The following C1QTNF3 variants were observed in gnomAD, a reference collection of about 807,000 sequenced individuals.
C1QTNF3 encodes the protein complement C1q tumor necrosis factor-related protein 3.
Under a neutral mutation model 32.6 loss-of-function variants are expected in C1QTNF3, and 26 were observed. The observed-to-expected ratio is 0.80, with a 90% CI of 0.58 to 1.11. C1QTNF3 has a LOEUF of 1.11. C1QTNF3 is among the 50% of genes least tolerant of loss of function. C1QTNF3 has a pLI of 0.00. For synonymous variants in C1QTNF3, 155 were observed against 146.0 expected, an observed-to-expected ratio of 1.06 and a Z score of -0.44; for missense variants, 362 against 398.2, an observed-to-expected ratio of 0.91 and a Z score of 0.77.
At chr5:34,022,895 G>A (rs528089385) in intron 5 of C1QTNF3, among the ~76,000 whole-genome samples, 18 of 152,114 alleles carry the variant, frequency 1.2e-4, no homozygotes, top group South Asian at 2.1e-4. Context: ...TCGCTCTGTC[G>A]CCCAGGCTGG....
chr5:34,048,750 C>G, the C1QTNF3 span, among the ~76,000 whole-genome samples: 16 of 151,816 alleles, frequency 1.1e-4, no homozygotes, highest in African/African-American at 2.9e-4. Context: ...TCTGTCACCC[C>G]CTATGGGTTG....
rs1474009905 is a variant in C1QTNF3 at position 34,023,925 on chromosome 5, CTG to C, written c.782_783del (p.Thr261SerfsTer8). ...ACCACCCACCTGTACATGCTGAAGACTGTGTTGCCATTGTGCATAAGGTACAC... is the reference window on the plus strand; with the variant it reads ...ACCACCCACCTGTACATGCTGAAGACTGTTGCCATTGTGCATAAGGTACAC... ...VYVYLMHNGN[T>X]VFSMYSYEMK... On this transcript the variant is annotated frameshift_variant, in exon 5 of 6. Transcript: ENST00000382065. LOFTEE classifies it high-confidence loss of function. The C allele has an allele frequency of 1.2e-6, 2 of 1,614,030 alleles. No individual in the cohort carries two copies. Among genetic ancestry groups the C allele is most frequent in the African/African-American group, 2.7e-5 (2 of 75,050 alleles).
At chr5:34,057,828 C>T in the C1QTNF3 span, among the ~76,000 whole-genome samples, 1 of 152,090 alleles carries the variant, frequency 6.6e-6, no homozygotes, top group South Asian at 2.1e-4. Flanking sequence ...CAGGAGGTGC[C>T]GCAAGTTTTT....
chr5:34,205,802 TAGAG>T, the C1QTNF3 span, among the ~76,000 whole-genome samples: 1 of 149,210 alleles, frequency 6.7e-6, no homozygotes, highest in South Asian at 2.2e-4. Context: ...TCTCTCATCT[TAGAG>T]AGCTATGAAA....
the C1QTNF3 span, among the ~76,000 whole-genome samples, chr5:34,129,053 A>G: frequency 1.3e-5 from 2 of 152,122 alleles, no homozygotes; most frequent in South Asian, 2.1e-4. Context: ...ATGGGGGCAC[A>G]CTTCCCCTTT....
chr5:34,229,111 A>G, the C1QTNF3 span, among the ~76,000 whole-genome samples: 1 of 152,176 alleles, frequency 6.6e-6, no homozygotes, highest in East Asian at 1.9e-4. Context: ...AAGAAAGCTT[A>G]TGCCTACAGC....
At chr5:34,036,979 T>A (rs1754758828) in intron 1 of C1QTNF3, among the ~76,000 whole-genome samples, 2 of 152,130 alleles carry the variant, frequency 1.3e-5, no homozygotes, top group African/African-American at 4.8e-5. Flanking sequence ...GAAATGATTA[T>A]CTCACTGTTT....
chr5:34,101,024 T>A, the C1QTNF3 span, among the ~76,000 whole-genome samples: 1 of 151,350 alleles, frequency 6.6e-6, no homozygotes, highest in Non-Finnish European at 1.5e-5. Context: ...TCATAAAATA[T>A]GCCATCTAGA....
At chr5:34,097,206 A>C in the C1QTNF3 span, among the ~76,000 whole-genome samples, 1 of 151,982 alleles carries the variant, frequency 6.6e-6, no homozygotes, top group African/African-American at 2.4e-5. Flanking sequence ...AGGCACAAAA[A>C]AAAAACCGAA....
chr5:34,074,359 G>C, the C1QTNF3 span, among the ~76,000 whole-genome samples: 25 of 151,560 alleles, frequency 1.6e-4, 1 homozygote, highest in African/African-American at 6.1e-4. Context: ...CAAAAACAAG[G>C]CCACTTCATA....
the C1QTNF3 span, among the ~76,000 whole-genome samples, chr5:34,091,715 T>C: frequency 6.6e-6 from 1 of 152,196 alleles, no homozygotes; most frequent in African/African-American, 2.4e-5. Flanking sequence ...AGCCTTATAA[T>C]ATTTTCTAGC....
At chr5:34,175,284 A>T in the C1QTNF3 span, among the ~76,000 whole-genome samples, 11 of 151,710 alleles carry the variant, frequency 7.3e-5, no homozygotes, top group South Asian at 2.3e-3. Flanking sequence ...GCCTCAAGCA[A>T]TCCTCCCACC....
the C1QTNF3 span, among the ~76,000 whole-genome samples, chr5:34,064,562 C>T: frequency 7.9e-5 from 12 of 152,292 alleles, no homozygotes; most frequent in African/African-American, 2.4e-4. Flanking sequence ...GCAACAATGA[C>T]GAGCCTTTAG....
chr5:34,101,773 T>A, the C1QTNF3 span, among the ~76,000 whole-genome samples: 1 of 152,126 alleles, frequency 6.6e-6, no homozygotes, highest in Admixed American at 6.6e-5. Context: ...GCCAGCCTCT[T>A]TGATCATTTC....
the C1QTNF3 span, among the ~76,000 whole-genome samples, chr5:34,243,798 T>C: frequency 2.6e-5 from 4 of 151,682 alleles, no homozygotes; most frequent in East Asian, 7.7e-4. Flanking sequence ...GAACAAGACA[T>C]GCTGCAGGCT....
At chr5:34,141,092 T>C in the C1QTNF3 span, among the ~76,000 whole-genome samples, 3 of 152,222 alleles carry the variant, frequency 2.0e-5, no homozygotes, top group East Asian at 5.8e-4. Flanking sequence ...GATAGAAGTC[T>C]AAGATGAATG....
At chr5:34,155,858 A>G in the C1QTNF3 span, among the ~76,000 whole-genome samples, 1 of 152,140 alleles carries the variant, frequency 6.6e-6, no homozygotes, top group African/African-American at 2.4e-5. Flanking sequence ...AGAAGAGATA[A>G]AAGAAGGGAT....
the C1QTNF3 span, among the ~76,000 whole-genome samples, chr5:34,118,091 T>C: frequency 6.6e-6 from 1 of 152,292 alleles, no homozygotes; most frequent in East Asian, 1.9e-4. Flanking sequence ...GTGATTCTTT[T>C]TTTCTTTAGA....
intron 2 of C1QTNF3, among the ~76,000 whole-genome samples, chr5:34,034,806 A>G (rs1206144881): frequency 1.3e-5 from 2 of 152,242 alleles, no homozygotes; most frequent in Non-Finnish European, 2.9e-5. Context: ...CCAATGACAT[A>G]GATTCCAAGC....
Sources: allele counts gnomAD v4.1 joint callset (sites outside exome capture counted in the v4.1 genomes callset), GRCh38; gene constraint gnomAD v4.1.1; transcripts MANE v1.5; gene names NCBI Gene and HGNC (gene_info 2026-07-23, HGNC 2026-07-21).